The following RACGAP1 variants were observed in gnomAD, a reference collection of about 807,000 sequenced individuals.
The protein encoded by RACGAP1 is rac GTPase-activating protein 1.
A neutral mutation model predicts 78.1 loss-of-function variants in RACGAP1; 30 were observed. The observed-to-expected ratio is 0.38, with a 90% CI of 0.29 to 0.52. RACGAP1 has a LOEUF of 0.52. RACGAP1 is among the 20% of genes least tolerant of loss of function. The probability of loss-of-function intolerance (pLI) is 0.82; values close to 1 mark genes in which losing one functional copy is unlikely to be tolerated. For missense variants in RACGAP1, 587 were observed against 777.1 expected, an observed-to-expected ratio of 0.76 and a Z score of 2.91; for synonymous variants, 231 against 264.8, an observed-to-expected ratio of 0.87 and a Z score of 1.24.
intron 1 of RACGAP1, among the ~76,000 whole-genome samples, chr12:50,032,700 A>T (rs545229026): frequency 6.6e-6 from 1 of 152,296 alleles, no homozygotes; most frequent in Non-Finnish European, 1.5e-5. Context: ...GGTGCCAGAA[A>T]GCTTGGGTTC....
intron 15 of RACGAP1, among the ~76,000 whole-genome samples, chr12:49,991,477 A>T (rs1422504014): frequency 3.8e-3 from 142 of 36,960 alleles, no homozygotes; most frequent in African/African-American, 0.011. Context: ...ATATATATAT[A>T]TATTTTTTTT....
In RACGAP1 at chr12:49,994,423, A is replaced by T. The variant is rs1948114076; in HGVS notation, c.1131T>A (p.Gly377=). Residue 377 remains glycine, a synonymous_variant, in exon 11 of 17, where the codon GGT becomes GGA. Transcript: ENST00000312377. ...VHCVNEIEQR[G]LTETGLYRIS... is the part of the protein sequence containing the mutation. ...TACAGTTGACTCTTACCTCAGTCAG[A>T]CCTCTTTGCTCAATCTCATTTACAC... 2.5e-6 allele frequency: 4 copies of T among 1,613,838 alleles called. No homozygotes were observed. The highest frequency in any genetic ancestry group is 1.3e-5 in the African/African-American group (1 of 74,894).
intron 7 of RACGAP1, 114 bp from the exon 8 acceptor site, chr12:49,999,847 C>G: frequency 1.3e-6 from 1 of 763,310 alleles, no homozygotes; most frequent in African/African-American, 1.7e-5. Context: ...ACTTAAGACC[C>G]CAGTCTGATA....
In RACGAP1 at chr12:49,999,676, T is replaced by C; in HGVS notation, c.688A>G (p.Ile230Val). 3 of 1,614,216 alleles carry C rather than the reference T, an allele frequency of 1.9e-6. No individual in the cohort carries two copies. The highest frequency in any genetic ancestry group is 1.7e-5 in the Admixed American group (1 of 60,020). ...TVTVPNDGGP[I>V]EAVSTIETVP... is the part of the protein sequence containing the mutation. ...GTCTCAATAGTGGACACAGCTTCGA[T>C]GGGCCCGCCATCATTGGGAACAGTC... The change falls in exon 8 of 17, where the codon ATC becomes GTC. Residue 230 changes from isoleucine (I) to valine (V), a missense_variant. Physicochemically the swap from Ile to Val is conservative, Grantham distance 29. Coordinates refer to ENST00000312377, the MANE Select transcript of RACGAP1 (RefSeq NM_001319999.2).
chr12:50,020,105 C>A (rs1234620159), intron 1 of RACGAP1, among the ~76,000 whole-genome samples: 1 of 152,164 alleles, frequency 6.6e-6, no homozygotes, highest in Non-Finnish European at 1.5e-5. Context: ...AGAAAAGAAT[C>A]CAGTATTTAC....
At chr12:50,031,682 A>G (rs1950337507) in intron 2 of RACGAP1, 2 of 985,190 alleles carry the variant, frequency 2.0e-6, no homozygotes, top group Non-Finnish European at 2.4e-6. Flanking sequence ...CTTCACCAGG[A>G]TAAGTTCTAC....
intron 3 of RACGAP1, among the ~76,000 whole-genome samples, chr12:50,005,605 C>A (rs146642147): frequency 1.3e-5 from 2 of 152,128 alleles, no homozygotes; most frequent in South Asian, 2.1e-4. Context: ...TCTAGAACAG[C>A]GAAGTTTCTG....
intron 10 of RACGAP1, 59 bp downstream of exon 10, chr12:49,996,981 A>G: frequency 7.1e-7 from 1 of 1,406,610 alleles, no homozygotes; most frequent in East Asian, 2.5e-5. Flanking sequence ...AACTGACACT[A>G]AGCCTTTGAA....
intron 10 of RACGAP1, among the ~76,000 whole-genome samples, chr12:49,996,286 C>T (rs1948255581): frequency 6.6e-6 from 1 of 151,120 alleles, no homozygotes; most frequent in South Asian, 2.1e-4. Context: ...TGCAATCCAG[C>T]CTGGACAACA....
At chr12:49,990,882 C>A in intron 15 of RACGAP1, 90 bp from the exon 16 acceptor site, 1 of 909,754 alleles carries the variant, frequency 1.1e-6, no homozygotes. Flanking sequence ...CCCTCTGAAG[C>A]ACTTAAGAGC....
In RACGAP1 at chr12:50,001,174, G is replaced by T; in HGVS notation, c.628C>A (p.Gln210Lys). ...TACCTTGGCCTGACTATTCTTACCTGGTCTACTGCAGAGCCAATGGAACGA... is the reference window on the plus strand; with the variant it reads ...TACCTTGGCCTGACTATTCTTACCTTGTCTACTGCAGAGCCAATGGAACGA... Reference protein sequence around the residue: ...KTRSIGSAVDQGNESIVAKTT... With the variant: ...KTRSIGSAVDKGNESIVAKTT... Residue 210 changes from glutamine (Q) to lysine (K), a missense_variant and splice_region_variant, in exon 7 of 17, where the codon CAG becomes AAG. Gln to Lys is a moderately conservative substitution (Grantham distance 53). Coordinates refer to ENST00000312377, the MANE Select transcript of RACGAP1 (RefSeq NM_001319999.2). 6.3e-7 allele frequency: 1 copy of T among 1,594,126 alleles called. No individual in the cohort carries two copies. Among genetic ancestry groups the T allele is most frequent in the South Asian group, 1.1e-5 (1 of 90,604 alleles).
intron 7 of RACGAP1, among the ~76,000 whole-genome samples, 160 bp downstream of exon 7, chr12:50,001,012 C>T (rs1948640356): frequency 6.6e-6 from 1 of 152,228 alleles, no homozygotes; most frequent in African/African-American, 2.4e-5. Flanking sequence ...GGTGCCATTG[C>T]ACTCCAGCCT....
chr12:49,990,617 T>C lies in RACGAP1; in HGVS notation c.1823+67A>G, dbSNP rs1592119602. Reference sequence around the variant, plus strand: ...GAATGCAATTTTTCTTTCAATAAGCTTCAATATAATAAGAAGTCTAAGAAA... The same window carrying C: ...GAATGCAATTTTTCTTTCAATAAGCCTCAATATAATAAGAAGTCTAAGAAA... On this transcript the variant is annotated intron_variant, in intron 16 of 16. Coordinates refer to ENST00000312377, the MANE Select transcript of RACGAP1 (RefSeq NM_001319999.2). The C allele has an allele frequency of 1.2e-5, 16 of 1,308,610 alleles. No individual in the cohort carries two copies. The East Asian group carries it at 3.2e-4, about 26-fold the overall frequency. The allele number at this position is 1,308,610 out of a possible 1,614,324, so 81.1% of individuals were successfully genotyped here. A position where few individuals can be genotyped will look rare whatever the true frequency, so the allele number is the denominator to read the frequency against.
At chr12:50,002,865 T>A (rs898641247) in intron 5 of RACGAP1, among the ~76,000 whole-genome samples, 3 of 151,670 alleles carry the variant, frequency 2.0e-5, no homozygotes, top group Non-Finnish European at 4.4e-5. Flanking sequence ...ACTAAAAAAA[T>A]ACAAAAAAAT....
chr12:49,992,495 C>T (rs767101046), intron 13 of RACGAP1, 55 bp downstream of exon 13: 1 of 1,589,200 alleles, frequency 6.3e-7, no homozygotes, highest in Non-Finnish European at 8.6e-7. Context: ...CCCACATTAT[C>T]TTCCCCTTGG....
At chr12:50,005,867 T>G (rs1465695461) in intron 3 of RACGAP1, among the ~76,000 whole-genome samples, 1 of 152,212 alleles carries the variant, frequency 6.6e-6, no homozygotes, top group Non-Finnish European at 1.5e-5. Flanking sequence ...TATACCAAGA[T>G]GGATTAGTCC....
At chr12:49,991,873 A>T in intron 15 of RACGAP1, 125 bp downstream of exon 15, 6 of 1,532,962 alleles carry the variant, frequency 3.9e-6, no homozygotes, top group Non-Finnish European at 5.2e-6. Context: ...TTACGATGGT[A>T]GAATTATACA....
At chr12:50,009,242 C>CAAA (rs397751749) in intron 2 of RACGAP1, among the ~76,000 whole-genome samples, 665 of 65,156 alleles carry the variant, frequency 0.01, 11 homozygotes, top group African/African-American at 0.031. Flanking sequence ...GATGCTGTCT[C>CAAA]AAAAAAAAAA....
intron 1 of RACGAP1, among the ~76,000 whole-genome samples, chr12:50,017,965 T>C (rs550887237): frequency 3.9e-4 from 60 of 152,272 alleles, no homozygotes; most frequent in Admixed American, 1.6e-3. Flanking sequence ...GAGACTAGCC[T>C]GAGCCAACAT....
Sources: allele counts gnomAD v4.1 joint callset (sites outside exome capture counted in the v4.1 genomes callset), GRCh38; gene constraint gnomAD v4.1.1; transcripts MANE v1.5; gene names NCBI Gene and HGNC (gene_info 2026-07-23, HGNC 2026-07-21).